YTHDC1: variants seen among roughly 807,000 people sequenced by gnomAD.
The protein encoded by YTHDC1 is YTH domain-containing protein 1.
YTHDC1 carries 12 observed loss-of-function variants against 107.0 expected under a neutral mutation model. The observed-to-expected ratio is 0.11, with a 90% CI of 0.07 to 0.18. The LOEUF (loss-of-function observed/expected upper bound fraction) is 0.18. Among genes scored for constraint, YTHDC1 ranks in the 10% least tolerant of loss-of-function variants. The pLI, the probability that YTHDC1 is intolerant of heterozygous loss-of-function variation, is 1.00. For missense variants in YTHDC1, 635 were observed against 898.8 expected, an observed-to-expected ratio of 0.71 and a Z score of 3.75; for synonymous variants, 280 against 289.5, an observed-to-expected ratio of 0.97 and a Z score of 0.33.
At chr4:68,327,205 T>C (rs562786000) in intron 9 of YTHDC1, among the ~76,000 whole-genome samples, 19 of 151,764 alleles carry the variant, frequency 1.3e-4, no homozygotes, top group Non-Finnish European at 2.2e-4. Context: ...CATTGCACTC[T>C]AGCCTGGGCA....
chr4:68,341,274 G>T (rs1318635889), intron 1 of YTHDC1, among the ~76,000 whole-genome samples: 1 of 152,048 alleles, frequency 6.6e-6, no homozygotes, highest in African/African-American at 2.4e-5. Flanking sequence ...TTTAACCAAA[G>T]TATAAAGAAC....
Position 68,324,180 on chromosome 4 carries a change from A to C in YTHDC1, c.1393T>G (p.Trp465Gly). 6.2e-7 allele frequency: 1 copy of C among 1,614,058 alleles called. No individual in the cohort carries two copies. Among genetic ancestry groups the C allele is most frequent in the Non-Finnish European group, 8.5e-7 (1 of 1,179,958 alleles). Residue 465 changes from tryptophan to glycine, a missense_variant, in exon 10 of 17, where the codon TGG becomes GGG. By Grantham distance (184) the Trp-to-Gly change is radical. Around this residue, in one of 5 missense-constraint regions of YTHDC1, gnomAD observed 256 missense variants for 372.9 expected, o/e 0.69. Transcript: ENST00000344157. ...FTKSAHLTNP[W>G]NEHKPVKIGR... ...ATCTTTACTGGTTTATGTTCATTCCAAGGATTGGTGAGATGAGCCGACTTA... is the reference window on the plus strand; with the variant it reads ...ATCTTTACTGGTTTATGTTCATTCCCAGGATTGGTGAGATGAGCCGACTTA...
intron 16 of YTHDC1, among the ~76,000 whole-genome samples, chr4:68,315,100 C>G (rs1048561847): frequency 1.3e-5 from 2 of 152,108 alleles, no homozygotes; most frequent in African/African-American, 4.8e-5. Flanking sequence ...TCTCAGACTT[C>G]CTATTTTAAA....
intron 4 of YTHDC1, among the ~76,000 whole-genome samples, chr4:68,333,739 T>C (rs1723847110): frequency 6.6e-6 from 1 of 152,136 alleles, no homozygotes; most frequent in Non-Finnish European, 1.5e-5. Context: ...AACTGTGTCC[T>C]TTCTACACAC....
chr4:68,337,537 GCTTT>G (rs959377184), intron 3 of YTHDC1, 31 bp downstream of exon 3: 7 of 1,583,836 alleles, frequency 4.4e-6, no homozygotes, highest in Admixed American at 3.8e-5. Flanking sequence ...AAAAAGAATG[GCTTT>G]CTGTTTTATA....
At chr4:68,320,741 C>T (rs187446049) in intron 11 of YTHDC1, among the ~76,000 whole-genome samples, 4 of 152,148 alleles carry the variant, frequency 2.6e-5, no homozygotes, top group Admixed American at 1.3e-4. Flanking sequence ...CATGATCATA[C>T]AGAAAATTTG....
rs552196887 is a variant in YTHDC1, at chr4:68,347,735, C to T, written c.28+1991G>A. Reference sequence around the variant, plus strand: ...TTATAATTTCCTGTTTCATGTAAGACAATAAAGCGCTTAAGAGTCCCACTT... The same window carrying T: ...TTATAATTTCCTGTTTCATGTAAGATAATAAAGCGCTTAAGAGTCCCACTT... On this transcript the variant is annotated intron_variant, in intron 1 of 16. Coordinates refer to ENST00000344157, the MANE Select transcript of YTHDC1 (RefSeq NM_001031732.4). Among the ~76,000 whole-genome samples the T allele has an allele frequency of 2.0e-5, 3 of 152,190 alleles. No individual in the cohort carries two copies. In the South Asian group the frequency reaches 6.2e-4, roughly 32 times the overall value.
Position 68,337,399 on chromosome 4 carries a change from T to C in YTHDC1, c.511A>G (p.Lys171Glu), listed in dbSNP as rs1036657120. 1 of 1,614,184 alleles carries C rather than the reference T, an allele frequency of 6.2e-7. No individual in the cohort carries two copies. The highest frequency in any genetic ancestry group is 1.7e-5 in the Admixed American group (1 of 60,004). ...RRASRSSQSSKEEVNSEEYGS... is the reference protein window; with the variant it reads ...RRASRSSQSSEEEVNSEEYGS... The stretch of plus-strand genomic sequence containing the variant: ...TATTCTTCAGAGTTCACTTCTTCCT[T>C]AGAAGACTGGCTGGATCTGCTTGCA... Residue 171 changes from lysine to glutamate, a missense_variant, in exon 4 of 17, where the codon AAG becomes GAG. By Grantham distance (56) the Lys-to-Glu change is moderately conservative. Coordinates refer to ENST00000344157, the MANE Select transcript of YTHDC1 (RefSeq NM_001031732.4).
rs1723791693 is a variant in YTHDC1, at chr4:68,333,296, A to T, written c.973+12T>A. The T allele has an allele frequency of 6.3e-7, 1 of 1,597,842 alleles. No individual in the cohort carries two copies. The highest frequency in any genetic ancestry group is 8.5e-7 in the Non-Finnish European group (1 of 1,170,142). On this transcript the variant is annotated intron_variant, in intron 5 of 16. Coordinates refer to ENST00000344157, the MANE Select transcript of YTHDC1 (RefSeq NM_001031732.4). ...TAGAATCAAGTCAGATATGATCACA[A>T]AATGAGAATACCTGCATATGACTCT...
At chr4:68,346,259 T>A (rs1486535238) in intron 1 of YTHDC1, among the ~76,000 whole-genome samples, 13 of 151,384 alleles carry the variant, frequency 8.6e-5, no homozygotes, top group African/African-American at 3.2e-4. Context: ...CTACTAAAAA[T>A]AAAAAATTAG....
intron 1 of YTHDC1, among the ~76,000 whole-genome samples, chr4:68,344,599 T>C (rs920633062): frequency 3.9e-5 from 6 of 152,294 alleles, no homozygotes; most frequent in Middle Eastern, 3.4e-3. Context: ...GCTGATAGAT[T>C]CCACAGTTGG....
rs1047034670 is a variant in YTHDC1, at chr4:68,313,771, G to GA, written c.*327dup. On this transcript the variant is annotated 3_prime_UTR_variant, in exon 17 of 17. Coordinates refer to ENST00000344157, the MANE Select transcript of YTHDC1 (RefSeq NM_001031732.4). Reference sequence around the variant, plus strand: ...CAGTTATCAATCAAGATCCAAAAAGGAAAAAAACAAACAAAAAAATAACTC... The same window carrying GA: ...CAGTTATCAATCAAGATCCAAAAAGGAAAAAAAACAAACAAAAAAATAACTC... 3 of 267,208 alleles carry GA rather than the reference G, an allele frequency of 1.1e-5. No homozygotes were observed. Among genetic ancestry groups the GA allele is most frequent in the African/African-American group, 2.2e-5 (1 of 45,368 alleles). 16.6% of individuals were successfully genotyped at this position (267,208 alleles called of 1,614,324 possible). A position where few individuals can be genotyped will look rare whatever the true frequency, so the allele number is the denominator to read the frequency against.
rs771864424 is a variant in YTHDC1 at position 68,322,929 on chromosome 4, G to A, written c.1435-14C>T. On this transcript the variant is annotated splice_polypyrimidine_tract_variant and intron_variant, in intron 10 of 16. Coordinates refer to ENST00000344157, the MANE Select transcript of YTHDC1 (RefSeq NM_001031732.4). The surrounding 1 kb of genome is among the most constrained non-coding windows in gnomAD (Gnocchi z 4.8). ...AAGTTCAATTTCCTAGAATAGGAAA[G>A]TAGCAATTTATAAAACAAAAACAGA... 4 of 1,609,322 alleles carry A rather than the reference G, an allele frequency of 2.5e-6. No individual in the cohort carries two copies. The highest frequency in any genetic ancestry group is 2.2e-5 in the South Asian group (2 of 90,884).
In YTHDC1 at chr4:68,314,199, C is replaced by T; in HGVS notation, c.2084G>A (p.Arg695Gln). The T allele has an allele frequency of 1.2e-6, 2 of 1,613,536 alleles. No homozygotes were observed. Among genetic ancestry groups the T allele is most frequent in the South Asian group, 1.1e-5 (1 of 91,028 alleles). The change falls in exon 17 of 17, where the codon CGA (arginine) becomes CAA (glutamine). Residue 695 changes from arginine (R) to glutamine (Q), a missense_variant. By Grantham distance (43) the Arg-to-Gln change is conservative (BLOSUM62 1). Transcript: ENST00000344157. ...ACGTCCTCTATCTCGCTCTCTGTCT[C>T]GTCTGTTATCTCTAGGGCGGTCTCG... ...RERDRPRDNR[R>Q]DRERDRGRDR...
intron 5 of YTHDC1, 71 bp from the exon 6 acceptor site, chr4:68,332,918 G>A: frequency 7.5e-7 from 1 of 1,334,094 alleles, no homozygotes; most frequent in Non-Finnish European, 1.1e-6. Flanking sequence ...CTACAGTCTT[G>A]TCACATAAAA....
At chr4:68,327,680 C>CA (rs1264728334) in intron 9 of YTHDC1, among the ~76,000 whole-genome samples, 6 of 152,212 alleles carry the variant, frequency 3.9e-5, no homozygotes, top group Non-Finnish European at 8.8e-5. Context: ...ATATTAACAG[C>CA]AGTTACTGTT....
Position 68,322,972 on chromosome 4 carries a change from C to G in YTHDC1, c.1435-57G>C. 6.4e-7 allele frequency: 1 copy of G among 1,556,514 alleles called. No homozygotes were observed. The highest frequency in any genetic ancestry group is 8.8e-7 in the Non-Finnish European group (1 of 1,142,132). Reference sequence around the variant, plus strand: ...AAAACAGACCCTTTCAACAGACTTGCATTTTCCTGATGTACCAGAACAAAA... The same window carrying G: ...AAAACAGACCCTTTCAACAGACTTGGATTTTCCTGATGTACCAGAACAAAA... On this transcript the variant is annotated intron_variant, in intron 10 of 16. Coordinates refer to ENST00000344157, the MANE Select transcript of YTHDC1 (RefSeq NM_001031732.4). This position sits in a 1 kb window ranked among gnomAD's most constrained non-coding sequence, Gnocchi z 4.8.
At chr4:68,330,740 T>G (rs562060194) in intron 7 of YTHDC1, among the ~76,000 whole-genome samples, 86 of 152,274 alleles carry the variant, frequency 5.6e-4, no homozygotes, top group African/African-American at 2.0e-3. Context: ...GTCAAGAATC[T>G]AGCATTTTTC....
chr4:68,331,887 T>C (rs1026307628), intron 7 of YTHDC1, among the ~76,000 whole-genome samples: 3 of 150,746 alleles, frequency 2.0e-5, no homozygotes, highest in Non-Finnish European at 3.0e-5. Context: ...ACATTTAATA[T>C]TCTGACCCCT....
Sources: allele counts gnomAD v4.1 joint callset (sites outside exome capture counted in the v4.1 genomes callset), GRCh38; gene constraint gnomAD v4.1.1; regional missense constraint gnomAD v4.1.1; non-coding constraint Gnocchi (gnomAD v3.1); transcripts MANE v1.5; gene names NCBI Gene and HGNC (gene_info 2026-07-23, HGNC 2026-07-21).